Variants in DNAI3 observed in about 807,000 individuals in gnomAD.
DNAI3 encodes the protein WD repeat domain 63.
DNAI3 carries 83 observed loss-of-function variants against 115.5 expected under a neutral mutation model. The observed-to-expected ratio is 0.72, with a 90% CI of 0.60 to 0.86. The LOEUF (loss-of-function observed/expected upper bound fraction) is 0.86. Among genes scored for constraint, DNAI3 ranks in the 40% least tolerant of loss-of-function variants. The pLI, the probability that DNAI3 is intolerant of heterozygous loss-of-function variation, is 0.00. For missense variants in DNAI3, 1,004 were observed against 1,075.8 expected (o/e 0.93, Z 0.93); for synonymous variants, 320 against 347.0 (o/e 0.92, Z 0.86).
chr1:85,068,596 T>G (rs539178597), intron 1 of DNAI3, among the ~76,000 whole-genome samples: 1 of 152,330 alleles, frequency 6.6e-6, no homozygotes, highest in Admixed American at 6.5e-5. Context: ...GTGGGACAGA[T>G]GGAGTAAAGT....
intron 5 of DNAI3, 144 bp from the exon 6 acceptor site, chr1:85,084,402 A>T: frequency 2.2e-6 from 1 of 459,964 alleles, no homozygotes; most frequent in African/African-American, 2.1e-5. Context: ...TTCATAATTC[A>T]AAAGTGTGAA....
chr1:85,093,133 G>A (rs1655028584), intron 8 of DNAI3, among the ~76,000 whole-genome samples: 6 of 152,200 alleles, frequency 3.9e-5, no homozygotes, highest in Admixed American at 1.3e-4. Flanking sequence ...GATGCCTGCT[G>A]TGGGAGTGCT....
At chr1:85,121,849 G>A (rs1442506313) in intron 18 of DNAI3, 35 bp downstream of exon 18, 5 of 1,606,262 alleles carry the variant, frequency 3.1e-6, no homozygotes, top group Admixed American at 3.3e-5. Context: ...TTAATAAGAT[G>A]TTCCTTTTAA....
chr1:85,116,379 T>C (rs999411585), intron 16 of DNAI3, among the ~76,000 whole-genome samples: 2 of 152,250 alleles, frequency 1.3e-5, no homozygotes, highest in Non-Finnish European at 2.9e-5. Flanking sequence ...TTCCTTTTCA[T>C]TATCAGTTGT....
intron 5 of DNAI3, 88 bp downstream of exon 5, chr1:85,082,492 C>A: frequency 1.9e-6 from 2 of 1,042,452 alleles, no homozygotes; most frequent in Non-Finnish European, 2.9e-6. Context: ...GTCACCCAGG[C>A]TAGAGTGCAG....
intron 16 of DNAI3, among the ~76,000 whole-genome samples, chr1:85,111,847 T>G (rs975688003): frequency 1.3e-5 from 2 of 152,276 alleles, no homozygotes; most frequent in East Asian, 1.9e-4. Context: ...TTGATATGCT[T>G]TGACATATGT....
rs59205168 is a variant in DNAI3 at position 85,084,277 on chromosome 1, T to TATATATATATATATATAC, written c.391-268_391-267insTATATATATATATATACA. Among the ~76,000 whole-genome samples the TATATATATATATATATAC allele has an allele frequency of 1.3e-4, 17 of 128,486 alleles. No individual in the cohort carries two copies. In the South Asian group the frequency reaches 1.8e-3, roughly 14 times the overall value. 84.3% of individuals were successfully genotyped at this position (128,486 alleles called of 152,430 possible). A position where few individuals can be genotyped will look rare whatever the true frequency, so the allele number is the denominator to read the frequency against. ...ATATATATATATATATATATATATA[T>TATATATATATATATATAC]ACACATCCATATGTAGAGATGTGTA... On this transcript the variant is annotated intron_variant, in intron 5 of 22. Transcript: ENST00000294664.
intron 16 of DNAI3, among the ~76,000 whole-genome samples, chr1:85,110,450 C>CAAATAAATAAAT (rs71582946): frequency 0.33 from 45,477 of 137,850 alleles, 7,906 homozygotes; most frequent in South Asian, 0.41. Flanking sequence ...GACTCCATCT[C>CAAATAAATAAAT]AAATAAATAA....
At chr1:85,101,727 CAAAAAAAAAA>C (rs72166976) in intron 13 of DNAI3, among the ~76,000 whole-genome samples, 3 of 14,440 alleles carry the variant, frequency 2.1e-4, no homozygotes, top group African/African-American at 6.3e-4. Flanking sequence ...GACTCCATCT[CAAAAAAAAAA>C]AAAAAAAAAA....
At chr1:85,121,635 A>G in intron 17 of DNAI3, 116 bp from the exon 18 acceptor site, 1 of 920,438 alleles carries the variant, frequency 1.1e-6, no homozygotes, top group Non-Finnish European at 1.7e-6. Context: ...TACTTGATTA[A>G]ATTGACTTGT....
intron 1 of DNAI3, among the ~76,000 whole-genome samples, chr1:85,065,825 T>C (rs1654081115): frequency 6.6e-6 from 1 of 152,256 alleles, no homozygotes; most frequent in Non-Finnish European, 1.5e-5. Flanking sequence ...TAATTTATGT[T>C]ACTTATGCCT....
chr1:85,099,132 G>T (rs1655211320), intron 13 of DNAI3, among the ~76,000 whole-genome samples: 1 of 152,158 alleles, frequency 6.6e-6, no homozygotes, highest in African/African-American at 2.4e-5. Flanking sequence ...TGACTGCCCA[G>T]CTTCTGCACT....
At position 85,082,933 on chromosome 1, in the gene DNAI3, T is replaced by C. The variant is rs149388323; in HGVS notation, c.390+529T>C. Among the ~76,000 whole-genome samples, 15 of 152,310 alleles carry C rather than the reference T, an allele frequency of 9.8e-5. No homozygotes were observed. The East Asian group carries it at 2.9e-3, about 29-fold the overall frequency. On this transcript the variant is annotated intron_variant, in intron 5 of 22. Transcript: ENST00000294664. ...GCCGTCTCCACAACTTTGAGTAAGT[T>C]ACTGAGCCTCTCATTGGTAAAATGG...
intron 18 of DNAI3, among the ~76,000 whole-genome samples, chr1:85,122,084 A>G (rs978260099): frequency 1.3e-5 from 2 of 152,236 alleles, no homozygotes; most frequent in African/African-American, 4.8e-5. Flanking sequence ...ATTTGTTTTC[A>G]CACCAAAATT....
At chr1:85,095,855 T>A in intron 10 of DNAI3, 76 bp from the exon 11 acceptor site, 2 of 1,381,064 alleles carry the variant, frequency 1.4e-6, no homozygotes, top group Non-Finnish European at 2.1e-6. Flanking sequence ...GACTTTTAAC[T>A]GTCTTAATAT....
intron 12 of DNAI3, among the ~76,000 whole-genome samples, chr1:85,098,264 C>T (rs1655186227): frequency 6.6e-6 from 1 of 152,130 alleles, no homozygotes; most frequent in South Asian, 2.1e-4. Context: ...AGAAATACTC[C>T]TTCTAAAATG....
chr1:85,114,204 G>T (rs1308348608), intron 16 of DNAI3, among the ~76,000 whole-genome samples: 2 of 151,826 alleles, frequency 1.3e-5, no homozygotes, highest in Non-Finnish European at 2.9e-5. Flanking sequence ...GTAGAGATGG[G>T]GTTTCACCAT....
At position 85,071,934 on chromosome 1, in the gene DNAI3, T is replaced by A. The variant is rs973038743; in HGVS notation, c.-8T>A. 5 of 1,610,894 alleles carry A rather than the reference T, an allele frequency of 3.1e-6. No homozygotes were observed. Among genetic ancestry groups the A allele is most frequent in the Non-Finnish European group, 4.2e-6 (5 of 1,179,406 alleles). ...ATATCATCTCTTTATGCAGCCCAAG[T>A]CAGAACCATGGCTCCAAAACAAAAG... is the stretch of plus-strand genomic sequence containing the variant. On this transcript the variant is annotated 5_prime_UTR_variant, in exon 2 of 23. Transcript: ENST00000294664.
intron 1 of DNAI3, among the ~76,000 whole-genome samples, chr1:85,068,630 A>G (rs1030652673): frequency 6.6e-6 from 1 of 152,156 alleles, no homozygotes; most frequent in Non-Finnish European, 1.5e-5. Context: ...AAAACCATCC[A>G]ATAGCTCTCC....
Sources: allele counts gnomAD v4.1 joint callset (sites outside exome capture counted in the v4.1 genomes callset), GRCh38; gene constraint gnomAD v4.1.1; transcripts MANE v1.5; gene names NCBI Gene and HGNC (gene_info 2026-07-23, HGNC 2026-07-21).